Variants in PRKCG observed in about 807,000 individuals in gnomAD.
PRKCG encodes protein kinase C gamma type.
In PRKCG, 28 loss-of-function variants were observed where a neutral mutation model predicts 82.0. That is an observed-to-expected ratio of 0.34 (90% confidence interval 0.25 to 0.47). The LOEUF is 0.47. Among genes scored for constraint, PRKCG ranks in the 20% least tolerant of loss-of-function variants. The pLI is 1.00. For synonymous variants in PRKCG, 383 were observed against 376.6 expected (o/e 1.02, Z -0.20); for missense variants, 640 against 952.7 (o/e 0.67, Z 4.32).
chr19:53,889,860 G>A lies in PRKCG; in HGVS notation c.398-26G>A. 6.4e-7 allele frequency: 1 copy of A among 1,573,500 alleles called. No individual in the cohort carries two copies. The highest frequency in any genetic ancestry group is 8.6e-7 in the Non-Finnish European group (1 of 1,160,174). On this transcript the variant is annotated intron_variant, in intron 4 of 17. Coordinates refer to ENST00000263431, the MANE Select transcript of PRKCG (RefSeq NM_002739.5). The surrounding 1 kb of genome is among the most constrained non-coding windows in gnomAD (Gnocchi z 4.4). ...TCTTGGCTTGGGGGCGGGGCCTGAG[G>A]TGCTACCCGCAGCTTTCCCCTCCAG...
intron 9 of PRKCG, among the ~76,000 whole-genome samples, chr19:53,895,856 G>C (rs1355015122): frequency 1.3e-5 from 2 of 152,008 alleles, no homozygotes; most frequent in African/African-American, 4.8e-5. Flanking sequence ...TCAGGAGATC[G>C]AGACCATCCT....
intron 9 of PRKCG, among the ~76,000 whole-genome samples, chr19:53,893,919 A>AT (rs1440658558): frequency 7.3e-5 from 11 of 150,420 alleles, no homozygotes; most frequent in African/African-American, 2.7e-4. Flanking sequence ...ACACCCAGCT[A>AT]ATTTTTTTTT....
In PRKCG at chr19:53,884,524, G is replaced by A. The variant is rs2068618132; in HGVS notation, c.285+281G>A. Among the ~76,000 whole-genome samples, 1 of 152,090 alleles carries A rather than the reference G, an allele frequency of 6.6e-6. No individual in the cohort carries two copies. Among genetic ancestry groups the A allele is most frequent in the Non-Finnish European group, 1.5e-5 (1 of 68,036 alleles). ...GGGTGGGCTGTGATCCAGGGGTGAA[G>A]GGATTTAAAAATTGAGAGCTGAGGG... is the stretch of plus-strand genomic sequence containing the variant. On this transcript the variant is annotated intron_variant, in intron 3 of 17. Transcript: ENST00000263431. This position sits in a 1 kb window ranked among gnomAD's most constrained non-coding sequence, Gnocchi z 4.6.
chr19:53,898,694 T>C (rs1225841424), intron 11 of PRKCG, 66 bp downstream of exon 11: 4 of 1,388,434 alleles, frequency 2.9e-6, no homozygotes, highest in African/African-American at 3.1e-5. Flanking sequence ...ACATCTGCGT[T>C]GGGATTCTGA....
In PRKCG at chr19:53,883,431, T is replaced by G; in HGVS notation, c.202+237T>G. On this transcript the variant is annotated intron_variant, in intron 2 of 17. Transcript: ENST00000263431. The surrounding 1 kb of genome is among the most constrained non-coding windows in gnomAD (Gnocchi z 5.4). ...CCGGCTCCAGGTGGGGACAGATATT[T>G]GGAGAATCTGTTGCCATGGGAACAT... Among the ~76,000 whole-genome samples, 1 of 139,214 alleles carries G rather than the reference T, an allele frequency of 7.2e-6. No homozygotes were observed. 91.3% of individuals were successfully genotyped at this position (139,214 alleles called of 152,430 possible).
rs559696953 is a variant in PRKCG, at chr19:53,885,491, A to G, written c.285+1248A>G. ...GTGATCCACCCGCCTCGGCCTCCCAAAGTGTTGGGATTACAGGCGTGAGCC... is the reference window on the plus strand; with the variant it reads ...GTGATCCACCCGCCTCGGCCTCCCAGAGTGTTGGGATTACAGGCGTGAGCC... On this transcript the variant is annotated intron_variant, in intron 3 of 17. Transcript: ENST00000263431. 6.6e-5 allele frequency among the ~76,000 whole-genome samples: 10 copies of G among 152,192 alleles called. No homozygotes were observed. The South Asian group carries it at 1.9e-3, about 28-fold the overall frequency.
chr19:53,893,122 C>T (rs562461664), intron 8 of PRKCG, 47 bp downstream of exon 8: 5 of 1,553,826 alleles, frequency 3.2e-6, no homozygotes, highest in Non-Finnish European at 4.4e-6. Flanking sequence ...CAGCCTCCCA[C>T]GGTTCAGAGC....
At position 53,892,772 on chromosome 19, in the gene PRKCG, A is replaced by ACACACACG. The variant is rs1555807321; in HGVS notation, c.821+136_821+137insGCACACAC. ...CATGCGCACACACACACACACACAC[A>ACACACACG]CACACACACGCACACACACGCACAC... On this transcript the variant is annotated intron_variant, in intron 7 of 17. Transcript: ENST00000263431. The surrounding 1 kb of genome is among the most constrained non-coding windows in gnomAD (Gnocchi z 5.9). 4.6e-6 allele frequency: 5 copies of ACACACACG among 1,087,466 alleles called. No individual in the cohort carries two copies. In the African/African-American group the frequency reaches 8.2e-5, roughly 18 times the overall value. 67.4% of individuals were successfully genotyped at this position (1,087,466 alleles called of 1,614,324 possible). A position where few individuals can be genotyped will look rare whatever the true frequency, so the allele number is the denominator to read the frequency against.
In PRKCG at chr19:53,884,268, C is replaced by T. The variant is rs1352374044; in HGVS notation, c.285+25C>T. ...CGTGAGTGCTCGGACACCTGGTTCT[C>T]CTCCTCGGGCCGTGCCCCCGCCCTC... is the stretch of plus-strand genomic sequence containing the variant. On this transcript the variant is annotated intron_variant, in intron 3 of 17. Transcript: ENST00000263431. The surrounding 1 kb of genome is among the most constrained non-coding windows in gnomAD (Gnocchi z 4.6). 6.2e-7 allele frequency: 1 copy of T among 1,609,040 alleles called. No homozygotes were observed. Among genetic ancestry groups the T allele is most frequent in the Admixed American group, 1.7e-5 (1 of 60,010 alleles).
At chr19:53,893,771 T>G (rs561579728) in intron 9 of PRKCG, among the ~76,000 whole-genome samples, 1 of 152,014 alleles carries the variant, frequency 6.6e-6, no homozygotes, top group South Asian at 2.1e-4. Flanking sequence ...TTTTTATTTT[T>G]ATTTTTATTT....
At chr19:53,887,061 T>A (rs1388072017) in intron 3 of PRKCG, among the ~76,000 whole-genome samples, 8 of 151,610 alleles carry the variant, frequency 5.3e-5, no homozygotes, top group African/African-American at 1.7e-4. Context: ...CACTCGGGGG[T>A]TTTTTTGTTT....
At chr19:53,891,051 A>G (rs1440588013) in intron 5 of PRKCG, among the ~76,000 whole-genome samples, 2 of 151,636 alleles carry the variant, frequency 1.3e-5, no homozygotes, top group Non-Finnish European at 2.9e-5. Flanking sequence ...GTGCCCGGCA[A>G]TGGCTTTCTG....
chr19:53,898,310 G>A, intron 10 of PRKCG, 130 bp from the exon 11 acceptor site: 1 of 1,378,512 alleles, frequency 7.3e-7, no homozygotes, highest in Non-Finnish European at 1.0e-6. Flanking sequence ...CGGCAAGTCA[G>A]GGCTGTCAGT....
At position 53,898,641 on chromosome 19, in the gene PRKCG, G is replaced by C. The variant is rs748387004; in HGVS notation, c.1281+13G>C. The C allele has an allele frequency of 1.3e-6, 2 of 1,562,270 alleles. No individual in the cohort carries two copies. Among genetic ancestry groups the C allele is most frequent in the Non-Finnish European group, 8.7e-7 (1 of 1,154,880 alleles). On this transcript the variant is annotated intron_variant, in intron 11 of 17. Transcript: ENST00000263431. Reference sequence around the variant, plus strand: ...CTTCCAGACCCCGGTAAGGATGGAGGGGGCGGAGGCTGTCCTCCGGGCCCT... The same window carrying C: ...CTTCCAGACCCCGGTAAGGATGGAGCGGGCGGAGGCTGTCCTCCGGGCCCT...
Position 53,882,395 on chromosome 19 carries a change from C to A in PRKCG, c.-100C>A. On this transcript the variant is annotated 5_prime_UTR_variant, in exon 1 of 18. Transcript: ENST00000263431. The surrounding 1 kb of genome is among the most constrained non-coding windows in gnomAD (Gnocchi z 6.1). ...CCTCTCCTGCCCACCTCGGAATTTC[C>A]CTGTGGCTCCTTTGATCCTTCGAGT... is the stretch of plus-strand genomic sequence containing the variant. 1 of 1,525,786 alleles carries A rather than the reference C, an allele frequency of 6.6e-7. No homozygotes were observed. The highest frequency in any genetic ancestry group is 8.9e-7 in the Non-Finnish European group (1 of 1,127,174). The allele number at this position is 1,525,786 out of a possible 1,614,324, so 94.5% of individuals were successfully genotyped here.
In PRKCG at chr19:53,889,979, A is replaced by G; in HGVS notation, c.491A>G (p.Glu164Gly). The change falls in exon 5 of 18, where the codon GAG (glutamate) becomes GGG (glycine). Residue 164 changes from glutamate to glycine, a missense_variant. Glu to Gly is a moderately conservative substitution (Grantham distance 98, BLOSUM62 -2). Transcript: ENST00000263431. The surrounding 1 kb of genome is among the most constrained non-coding windows in gnomAD (Gnocchi z 4.4). ...GAGCGCCGCGGGCGCCTGCAGCTGG[A>G]GATCCGGGCTCCCACAGCAGATGAG... ...HTERRGRLQLEIRAPTADEIH... is the reference protein window; with the variant it reads ...HTERRGRLQLGIRAPTADEIH... The G allele has an allele frequency of 6.4e-7, 1 of 1,572,742 alleles. No individual in the cohort carries two copies.
intron 8 of PRKCG, 69 bp downstream of exon 8, chr19:53,893,144 T>TC: frequency 6.8e-7 from 1 of 1,475,732 alleles, no homozygotes; most frequent in Non-Finnish European, 9.4e-7. Context: ...GGCCTTTCCT[T>TC]CCACCCCTGA....
Position 53,888,976 on chromosome 19 carries a change from A to G in PRKCG, c.286-662A>G, listed in dbSNP as rs139987035. ...TGTTGTTGTTGTTGTTGTTTGAGAC[A>G]GAATCTTGCTCTGTCATCCAGGCTG... On this transcript the variant is annotated intron_variant, in intron 3 of 17. Transcript: ENST00000263431. Among the ~76,000 whole-genome samples, 1,463 of 152,196 alleles carry G rather than the reference A, an allele frequency of 9.6e-3. 11 individuals carry two copies. Among genetic ancestry groups the G allele is most frequent in the Non-Finnish European group, 0.016 (1,081 of 68,000 alleles).
chr19:53,887,174 TG>T (rs1471581760), intron 3 of PRKCG, among the ~76,000 whole-genome samples: 1 of 151,982 alleles, frequency 6.6e-6, no homozygotes, highest in African/African-American at 2.4e-5. Flanking sequence ...GGGGCTCAAG[TG>T]ATTCACTGCT....
Sources: gnomAD v4.1 joint callset for allele counts (sites outside exome capture counted in the v4.1 genomes callset) on GRCh38, gnomAD v4.1.1 for gene constraint, Gnocchi (gnomAD v3.1) non-coding constraint, MANE v1.5 for transcripts, NCBI Gene and HGNC (gene_info 2026-07-23, HGNC 2026-07-21) for gene names.